Variants in INTS10 observed in about 807,000 individuals in gnomAD.
The protein encoded by INTS10 is chromosome 8 open reading frame 35.
In INTS10, 44 loss-of-function variants were observed where a neutral mutation model predicts 94.4. The observed-to-expected ratio is 0.47, with a 90% CI of 0.37 to 0.60. The LOEUF (loss-of-function observed/expected upper bound fraction) is 0.60, where lower values mean the gene tolerates loss of function less well. Ranked by LOEUF, INTS10 falls within the 20% of genes least tolerant of loss-of-function variation. The probability of loss-of-function intolerance (pLI) is 0.00; values close to 1 mark genes in which losing one functional copy is unlikely to be tolerated. For missense variants in INTS10, 797 were observed against 868.7 expected (o/e 0.92, Z 1.04); for synonymous variants, 341 against 320.7 (o/e 1.06, Z -0.68).
Position 19,851,708 on chromosome 8 carries a change from T to C in INTS10, c.2036T>C (p.Met679Thr), listed in dbSNP as rs1157422286. Residue 679 changes from methionine to threonine, a missense_variant, in exon 17 of 17, where the codon ATG becomes ACG. By Grantham distance (81) the Met-to-Thr change is moderately conservative. Around this residue, in one of 3 missense-constraint regions of INTS10, gnomAD observed 47 missense variants for 41.8 expected, o/e 1.12. Coordinates refer to ENST00000397977, the MANE Select transcript of INTS10 (RefSeq NM_018142.4). This position sits in a 1 kb window ranked among gnomAD's most constrained non-coding sequence, Gnocchi z 5.0. ...GTGAAGGAGGACTTTCGCCTGGCCA[T>C]GGAGCGCCAGGTCTCCCGCTGTGGA... ...KGVKEDFRLAMERQVSRCGEN... is the reference protein window; with the variant it reads ...KGVKEDFRLATERQVSRCGEN... 1.2e-6 allele frequency: 2 copies of C among 1,614,056 alleles called. No homozygotes were observed. Among genetic ancestry groups the C allele is most frequent in the African/African-American group, 1.3e-5 (1 of 74,934 alleles).
At position 19,846,759 on chromosome 8, in the gene INTS10, C is replaced by T. The variant is rs1316781980; in HGVS notation, c.1976+962C>T. Among the ~76,000 whole-genome samples the T allele has an allele frequency of 6.6e-6, 1 of 152,138 alleles. No individual in the cohort carries two copies. The highest frequency in any genetic ancestry group is 2.4e-5 in the African/African-American group (1 of 41,428). ...TATGATTTTTAAATAGCTCATAAAT[C>T]TTGCTTCTCTCCTTCAATCCTCATT... On this transcript the variant is annotated intron_variant, in intron 16 of 16. Coordinates refer to ENST00000397977, the MANE Select transcript of INTS10 (RefSeq NM_018142.4). This position sits in a 1 kb window ranked among gnomAD's most constrained non-coding sequence, Gnocchi z 4.2.
Position 19,846,783 on chromosome 8 carries a change from T to C in INTS10, c.1976+986T>C, listed in dbSNP as rs143744622. Among the ~76,000 whole-genome samples the C allele has an allele frequency of 4.2e-3, 646 of 152,292 alleles. 14 individuals carry two copies. The highest frequency in any genetic ancestry group is 0.031 in the Admixed American group (476 of 15,294). ...TCTTGCTTCTCTCCTTCAATCCTCA[T>C]TGTAGTTTGGGTAATATATCCTCTC... is the stretch of plus-strand genomic sequence containing the variant. On this transcript the variant is annotated intron_variant, in intron 16 of 16. Coordinates refer to ENST00000397977, the MANE Select transcript of INTS10 (RefSeq NM_018142.4). The surrounding 1 kb of genome is among the most constrained non-coding windows in gnomAD (Gnocchi z 4.2).
At position 19,833,320 on chromosome 8, in the gene INTS10, G is replaced by T; in HGVS notation, c.1529G>T (p.Arg510Ile). The change falls in exon 12 of 17, where the codon AGA becomes ATA. Residue 510 changes from arginine (R) to isoleucine (I), a missense_variant and splice_region_variant. Physicochemically the swap from Arg to Ile is moderately conservative, Grantham distance 97. Coordinates refer to ENST00000397977, the MANE Select transcript of INTS10 (RefSeq NM_018142.4). ...TGCCACTTTGCGCTAGGGGAGTACA[G>T]AGTGAGTACTGCACACATACATGCC... ...ATCHFALGEY[R>I]MTCEKVLDLM... The T allele has an allele frequency of 1.2e-6, 2 of 1,604,228 alleles. No homozygotes were observed. The highest frequency in any genetic ancestry group is 1.7e-5 in the Admixed American group (1 of 58,148).
intron 8 of INTS10, 76 bp downstream of exon 8, chr8:19,825,048 T>C: frequency 8.2e-7 from 1 of 1,221,970 alleles, no homozygotes; most frequent in Non-Finnish European, 1.2e-6. Context: ...AAAGTGTTTA[T>C]CCAGTATTGC....
Position 19,826,212 on chromosome 8 carries a change from C to T in INTS10, c.1007-214C>T, listed in dbSNP as rs150350892. Among the ~76,000 whole-genome samples the T allele has an allele frequency of 6.2e-3, 946 of 152,110 alleles. 13 individuals carry two copies. The highest frequency in any genetic ancestry group is 0.022 in the African/African-American group (910 of 41,496). On this transcript the variant is annotated intron_variant, in intron 8 of 16. Coordinates refer to ENST00000397977, the MANE Select transcript of INTS10 (RefSeq NM_018142.4). ...CTCCTGCCTCAGCCTCCCGAGTAGC[C>T]GGGATTAACAGGCGCATGCTACCAT...
Position 19,842,817 on chromosome 8 carries a change from A to G in INTS10, c.1640-31A>G. The G allele has an allele frequency of 2.7e-6, 4 of 1,482,068 alleles. 1 individual carries two copies. The highest frequency in any genetic ancestry group is 2.3e-5 in the East Asian group (1 of 44,198). 91.8% of individuals were successfully genotyped at this position (1,482,068 alleles called of 1,614,324 possible). ...AAGCTGTTATCTTTGATAATAACAT[A>G]CATTAACCTAACATTGTGGACTTCT... On this transcript the variant is annotated intron_variant, in intron 13 of 16. Coordinates refer to ENST00000397977, the MANE Select transcript of INTS10 (RefSeq NM_018142.4).
intron 12 of INTS10, among the ~76,000 whole-genome samples, chr8:19,834,485 G>A (rs919066019): frequency 5.9e-5 from 9 of 152,230 alleles, no homozygotes; most frequent in Middle Eastern, 6.8e-3. Context: ...AAGGCAGCAC[G>A]TATTTACTCA....
chr8:19,837,190 T>C (rs753309210), intron 13 of INTS10, 30 bp downstream of exon 13: 19 of 1,404,994 alleles, frequency 1.4e-5, no homozygotes, highest in East Asian at 6.8e-5. Context: ...GACTATTTTG[T>C]AAAAATAGCT....
Position 19,843,049 on chromosome 8 carries a change from A to G in INTS10, c.1719+122A>G, listed in dbSNP as rs925764359. 13 of 685,822 alleles carry G rather than the reference A, an allele frequency of 1.9e-5. No individual in the cohort carries two copies. The Admixed American group carries it at 2.8e-4, about 15-fold the overall frequency. 42.5% of individuals were successfully genotyped at this position (685,822 alleles called of 1,614,324 possible). On this transcript the variant is annotated intron_variant, in intron 14 of 16. Coordinates refer to ENST00000397977, the MANE Select transcript of INTS10 (RefSeq NM_018142.4). The surrounding 1 kb of genome is among the most constrained non-coding windows in gnomAD (Gnocchi z 4.7). ...AGTACTTTTGAGGGCAGGCCCAAAC[A>G]GTTAGAAAAGCACATGGGCTACTAA...
chr8:19,832,674 G>A (rs147502289), intron 11 of INTS10, among the ~76,000 whole-genome samples: 180 of 152,160 alleles, frequency 1.2e-3, no homozygotes, highest in South Asian at 5.6e-3. Flanking sequence ...TTTACTTTTC[G>A]GTAAAAGAGG....
Position 19,822,430 on chromosome 8 carries a change from T to G in INTS10, c.442-9T>G, listed in dbSNP as rs372732690. ...ACACATTTAAATGAGTAATTTTGTT[T>G]TGAAATAGGTTGGCCTTGGGGAGGC... On this transcript the variant is annotated splice_polypyrimidine_tract_variant and intron_variant, in intron 4 of 16. Transcript: ENST00000397977. 1.9e-6 allele frequency: 3 copies of G among 1,579,762 alleles called. No homozygotes were observed. The highest frequency in any genetic ancestry group is 3.4e-5 in the Admixed American group (2 of 59,328).
intron 13 of INTS10, among the ~76,000 whole-genome samples, chr8:19,839,004 G>A (rs535920461): frequency 1.2e-4 from 18 of 152,020 alleles, no homozygotes; most frequent in African/African-American, 3.4e-4. Flanking sequence ...CCCGGGAGGC[G>A]GAGGTTGCAG....
intron 2 of INTS10, 32 bp from the exon 3 acceptor site, chr8:19,819,541 A>C: frequency 1.3e-6 from 2 of 1,525,674 alleles, no homozygotes; most frequent in Non-Finnish European, 1.8e-6. Context: ...AGACTTTGAC[A>C]TTTTAATTTA....
rs1482976270 is a variant in INTS10 at position 19,843,038 on chromosome 8, C to G, written c.1719+111C>G. 2.7e-6 allele frequency: 2 copies of G among 728,018 alleles called. No homozygotes were observed. Among genetic ancestry groups the G allele is most frequent in the African/African-American group, 3.6e-5 (2 of 55,970 alleles). 45.1% of individuals were successfully genotyped at this position (728,018 alleles called of 1,614,324 possible). A position where few individuals can be genotyped will look rare whatever the true frequency, so the allele number is the denominator to read the frequency against. On this transcript the variant is annotated intron_variant, in intron 14 of 16. Transcript: ENST00000397977. The surrounding 1 kb of genome is among the most constrained non-coding windows in gnomAD (Gnocchi z 4.7). Reference sequence around the variant, plus strand: ...ATTGTTATTTTAGTACTTTTGAGGGCAGGCCCAAACAGTTAGAAAAGCACA... The same window carrying G: ...ATTGTTATTTTAGTACTTTTGAGGGGAGGCCCAAACAGTTAGAAAAGCACA...
intron 9 of INTS10, among the ~76,000 whole-genome samples, chr8:19,828,215 A>C (rs2066952756): frequency 6.6e-6 from 1 of 152,202 alleles, no homozygotes; most frequent in Non-Finnish European, 1.5e-5. Context: ...CGTCTATAAA[A>C]AATAAAAAAA....
chr8:19,831,951 C>A (rs756029333), intron 10 of INTS10, 77 bp from the exon 11 acceptor site: 7 of 852,994 alleles, frequency 8.2e-6, no homozygotes, highest in Non-Finnish European at 1.4e-5. Context: ...TCTCTTCTCT[C>A]TTACTGGATT....
intron 2 of INTS10, among the ~76,000 whole-genome samples, chr8:19,819,075 A>G (rs2066165611): frequency 6.6e-6 from 1 of 152,222 alleles, no homozygotes; most frequent in South Asian, 2.1e-4. Context: ...AGTCTACATT[A>G]CCACCAATGG....
At chr8:19,818,384 C>A (rs751358508) in intron 2 of INTS10, 42 bp downstream of exon 2, 43 of 1,584,706 alleles carry the variant, frequency 2.7e-5, no homozygotes, top group Non-Finnish European at 3.6e-5. Flanking sequence ...CACTGAATCT[C>A]TCCATGAGGT....
At position 19,845,890 on chromosome 8, in the gene INTS10, T is replaced by A. The variant is rs545295053; in HGVS notation, c.1976+93T>A. On this transcript the variant is annotated intron_variant, in intron 16 of 16. Coordinates refer to ENST00000397977, the MANE Select transcript of INTS10 (RefSeq NM_018142.4). The stretch of plus-strand genomic sequence containing the variant: ...GTAAATGTCTATACCTATCAAAAAT[T>A]TAATACAAAGGACTTTAAACCTGGT... The A allele has an allele frequency of 8.6e-6, 7 of 816,764 alleles. No individual in the cohort carries two copies. The African/African-American group carries it at 1.2e-4, about 14-fold the overall frequency. 50.6% of individuals were successfully genotyped at this position (816,764 alleles called of 1,614,324 possible). A position where few individuals can be genotyped will look rare whatever the true frequency, so the allele number is the denominator to read the frequency against.
Sources: gnomAD v4.1 joint callset for allele counts (sites outside exome capture counted in the v4.1 genomes callset) on GRCh38, gnomAD v4.1.1 for gene constraint, gnomAD v4.1.1 regional missense constraint, Gnocchi (gnomAD v3.1) non-coding constraint, MANE v1.5 for transcripts, NCBI Gene and HGNC (gene_info 2026-07-23, HGNC 2026-07-21) for gene names.